Variants in ZFHX3 observed in about 807,000 individuals in gnomAD.
ZFHX3 encodes the protein zinc finger homeobox 3.
In ZFHX3, 42 loss-of-function variants were observed where a neutral mutation model predicts 279.1. The ratio of observed to expected loss-of-function variants is 0.15; its 90% CI spans 0.12 to 0.19. The LOEUF is 0.19. Among genes scored for constraint, ZFHX3 ranks in the 10% least tolerant of loss-of-function variants. ZFHX3 has a pLI of 1.00. For synonymous variants in ZFHX3, 2,293 were observed against 1,957.8 expected (o/e 1.17, Z -4.52); for missense variants, 4,981 against 4,754.0 (o/e 1.05, Z -1.40).
chr16:72,933,888 G>C (rs961844003), intron 3 of ZFHX3, among the ~76,000 whole-genome samples: 1 of 145,636 alleles, frequency 6.9e-6, no homozygotes, highest in African/African-American at 2.5e-5. Context: ...TCGCGATCTC[G>C]GCTCACTGCA....
At chr16:73,586,761 A>C (rs1001406338) in intron 2 of ZFHX3, among the ~76,000 whole-genome samples, 1 of 152,190 alleles carries the variant, frequency 6.6e-6, no homozygotes. Context: ...TGAAAAACAC[A>C]AAACTAAAAT....
intron 7 of ZFHX3, among the ~76,000 whole-genome samples, chr16:73,117,023 G>A (rs912144496): frequency 2.0e-5 from 3 of 152,180 alleles, no homozygotes; most frequent in Non-Finnish European, 2.9e-5. Context: ...CAAGGCTATT[G>A]TCTTTATTTC....
chr16:73,585,104 G>T (rs1352849950), intron 2 of ZFHX3, among the ~76,000 whole-genome samples: 2 of 152,180 alleles, frequency 1.3e-5, no homozygotes, highest in Non-Finnish European at 2.9e-5. Flanking sequence ...TGGAGAGACA[G>T]GATCACTTTT....
intron 4 of ZFHX3, among the ~76,000 whole-genome samples, chr16:73,285,375 AC>A (rs1443284606): frequency 1.3e-5 from 2 of 152,202 alleles, no homozygotes; most frequent in Admixed American, 1.3e-4. Context: ...CCAGGAGAGC[AC>A]CATTAAACCA....
intron 5 of ZFHX3, among the ~76,000 whole-genome samples, chr16:73,210,105 G>C (rs2011958225): frequency 6.6e-6 from 1 of 152,222 alleles, no homozygotes; most frequent in Non-Finnish European, 1.5e-5. Flanking sequence ...ATGTTTGCAT[G>C]CTGAAGTTCC....
chr16:73,408,612 G>GA (rs1214185651), intron 3 of ZFHX3, among the ~76,000 whole-genome samples: 1 of 152,182 alleles, frequency 6.6e-6, no homozygotes, highest in African/African-American at 2.4e-5. Context: ...AGAGGAACAC[G>GA]AGCAGAGCGG....
chr16:72,930,947 T>C (rs575972774), intron 3 of ZFHX3, among the ~76,000 whole-genome samples: 1 of 152,142 alleles, frequency 6.6e-6, no homozygotes, highest in African/African-American at 2.4e-5. Context: ...GTGAAATGAG[T>C]ATTGCTATGC....
Position 73,465,946 on chromosome 16 carries a change from C to G in ZFHX3, c.-1546-9688G>C, listed in dbSNP as rs370180531. On this transcript the variant is annotated intron_variant, in intron 2 of 17. Transcript: ENST00000641206. ...ACAACCCCCACTCCCACCCCACCCC[C>G]TCACCTCTAAGCCACGGTTTCTCAA... 3.0e-4 allele frequency among the ~76,000 whole-genome samples: 46 copies of G among 152,156 alleles called. 1 individual carries two copies. In the East Asian group the frequency reaches 8.7e-3, roughly 29 times the overall value.
At chr16:73,048,180 C>G (rs1017437804), upstream of ZFHX3, 6 of 152,902 alleles carry the variant, frequency 3.9e-5, no homozygotes, top group African/African-American at 9.7e-5. Flanking sequence ...GGGGGGCGGG[C>G]GGGGCGGGGG....
At chr16:73,679,412 G>A (rs1333724041) in intron 2 of ZFHX3, 1 of 152,112 alleles carries the variant, frequency 6.6e-6, no homozygotes, top group African/African-American at 2.4e-5. Flanking sequence ...AGCATTTTGT[G>A]AACACTTTCT....
intron 2 of ZFHX3, among the ~76,000 whole-genome samples, chr16:73,584,344 GA>G (rs1221371768): frequency 6.6e-6 from 1 of 152,088 alleles, no homozygotes; most frequent in Non-Finnish European, 1.5e-5. Context: ...CTCTCATAAT[GA>G]AATTTCAGAA....
intron 7 of ZFHX3, among the ~76,000 whole-genome samples, chr16:73,095,614 G>A (rs1799884305): frequency 6.6e-6 from 1 of 152,212 alleles, no homozygotes. Context: ...GTGAAAGTAC[G>A]CAGTAAGCTG....
At chr16:73,774,100 A>C (rs1189433084) in intron 1 of ZFHX3, among the ~76,000 whole-genome samples, 1 of 152,128 alleles carries the variant, frequency 6.6e-6, no homozygotes, top group African/African-American at 2.4e-5. Flanking sequence ...ACTGCACTCT[A>C]GCCTAGCTGA....
chr16:73,669,300 C>T (rs1490864748), intron 2 of ZFHX3, among the ~76,000 whole-genome samples: 5 of 152,140 alleles, frequency 3.3e-5, no homozygotes, highest in Admixed American at 1.3e-4. Context: ...GTAATCCACC[C>T]GCCTTGGCCT....
intron 2 of ZFHX3, among the ~76,000 whole-genome samples, chr16:73,630,393 G>A (rs2052457166): frequency 6.6e-6 from 1 of 152,174 alleles, no homozygotes; most frequent in African/African-American, 2.4e-5. Context: ...GCAATAGCAA[G>A]CAAAATTAAA....
intron 4 of ZFHX3, among the ~76,000 whole-genome samples, chr16:73,298,490 T>C (rs1001998704): frequency 6.6e-6 from 1 of 150,852 alleles, no homozygotes; most frequent in Non-Finnish European, 1.5e-5. Context: ...AACCTATTTA[T>C]GTTGTCGTCG....
intron 1 of ZFHX3, among the ~76,000 whole-genome samples, chr16:73,882,557 C>CA (rs2030205570): frequency 6.6e-6 from 1 of 151,918 alleles, no homozygotes; most frequent in African/African-American, 2.4e-5. Flanking sequence ...TCTGAGTCCT[C>CA]ATGGGGACTA....
intron 3 of ZFHX3, among the ~76,000 whole-genome samples, chr16:72,933,809 CTTTCTTTTTTTT>C (rs1959952285): frequency 8.7e-6 from 1 of 114,634 alleles, no homozygotes; most frequent in African/African-American, 3.0e-5. Context: ...TAGCTCACAA[CTTTCTTTTTTTT>C]TTTTTTTTTT....
intron 4 of ZFHX3, among the ~76,000 whole-genome samples, chr16:73,258,194 A>G (rs1482046667): frequency 6.6e-6 from 1 of 152,120 alleles, no homozygotes; most frequent in Non-Finnish European, 1.5e-5. Context: ...TCTTATTTCT[A>G]TTCAAAACAT....
Sources: gnomAD v4.1 joint callset for allele counts (sites outside exome capture counted in the v4.1 genomes callset) on GRCh38, gnomAD v4.1.1 for gene constraint, MANE v1.5 for transcripts, NCBI Gene and HGNC (gene_info 2026-07-23, HGNC 2026-07-21) for gene names.